The following ANKRD13D variants were observed in gnomAD, a reference collection of about 807,000 sequenced individuals.
ANKRD13D encodes ankyrin repeat domain-containing protein 13D.
A neutral mutation model predicts 68.8 loss-of-function variants in ANKRD13D; 24 were observed. That is an observed-to-expected ratio of 0.35 (90% CI 0.25 to 0.49). The LOEUF (loss-of-function observed/expected upper bound fraction) is 0.49, where lower values mean the gene tolerates loss of function less well. Ranked by LOEUF, ANKRD13D falls within the 20% of genes least tolerant of loss-of-function variation. The pLI is 0.99. For synonymous variants in ANKRD13D, 331 were observed against 336.1 expected (o/e 0.98, Z 0.16); for missense variants, 735 against 832.1 (o/e 0.88, Z 1.44).
At chr11:67,298,885 G>A in intron 6 of ANKRD13D, 173 bp from the exon 7 acceptor site, 1 of 653,542 alleles carries the variant, frequency 1.5e-6, no homozygotes, top group Non-Finnish European at 2.8e-6. Flanking sequence ...CCATGCTCAA[G>A]TGTCCCCCCC....
intron 1 of ANKRD13D, chr11:67,289,773 C>T (rs1300455843): frequency 3.1e-5 from 44 of 1,420,502 alleles, no homozygotes; most frequent in Non-Finnish European, 3.9e-5. Context: ...CCCGAACTCG[C>T]TTCCGCATCC....
chr11:67,291,838 A>G (rs1354908114), intron 5 of ANKRD13D, 92 bp downstream of exon 5: 1 of 1,543,566 alleles, frequency 6.5e-7, no homozygotes, highest in African/African-American at 1.4e-5. Flanking sequence ...CACTTTCCAG[A>G]TGTGGAAGCT....
intron 6 of ANKRD13D, 175 bp from the exon 7 acceptor site, chr11:67,298,883 A>C (rs1364770256): frequency 3.1e-6 from 2 of 649,812 alleles, no homozygotes; most frequent in African/African-American, 3.6e-5. Context: ...GTCCATGCTC[A>C]AGTGTCCCCC....
rs1392482851 is a variant in ANKRD13D, at chr11:67,299,126, C to T, written c.798+2C>T. 1 of 1,489,406 alleles carries T rather than the reference C, an allele frequency of 6.7e-7. No individual in the cohort carries two copies. The highest frequency in any genetic ancestry group is 9.3e-7 in the Non-Finnish European group (1 of 1,071,476). 92.3% of individuals were successfully genotyped at this position (1,489,406 alleles called of 1,614,324 possible). ...ACTGTTAGCGGCTACGAGGCCAAGG[C>T]AGGAGAGGCTAGGGGTGGGGGGCTG... On this transcript the variant is annotated splice_donor_variant, in intron 7 of 14. Transcript: ENST00000511455. LOFTEE classifies it low-confidence loss of function (GC_TO_GT_DONOR). This position sits in a 1 kb window ranked among gnomAD's most constrained non-coding sequence, Gnocchi z 6.2.
chr11:67,292,249 A>T, intron 6 of ANKRD13D, 69 bp downstream of exon 6: 2 of 1,471,916 alleles, frequency 1.4e-6, no homozygotes, highest in Non-Finnish European at 1.8e-6. Context: ...TAATGAGGGC[A>T]GGGCGATCCT....
In ANKRD13D at chr11:67,299,498, GC is replaced by G; in HGVS notation, c.799-27del. ...GCTGAGTGTGGGGAGCAGGCTCTGA[GC>G]CCCCAGCTCCCCGTGTCCCCTGCTC... On this transcript the variant is annotated intron_variant, in intron 7 of 14. Transcript: ENST00000511455. The surrounding 1 kb of genome is among the most constrained non-coding windows in gnomAD (Gnocchi z 6.2). 1 of 1,526,724 alleles carries G rather than the reference GC, an allele frequency of 6.5e-7. No homozygotes were observed. The highest frequency in any genetic ancestry group is 8.9e-7 in the Non-Finnish European group (1 of 1,126,040). The allele number at this position is 1,526,724 out of a possible 1,614,324, so 94.6% of individuals were successfully genotyped here.
At chr11:67,291,775 C>T in intron 5 of ANKRD13D, 29 bp downstream of exon 5, 1 of 1,610,226 alleles carries the variant, frequency 6.2e-7, no homozygotes, top group Non-Finnish European at 8.5e-7. Flanking sequence ...CATTGCAGCT[C>T]CTCGGCCCTT....
chr11:67,297,188 A>G (rs566980176), intron 6 of ANKRD13D, among the ~76,000 whole-genome samples: 1 of 152,212 alleles, frequency 6.6e-6, no homozygotes, highest in South Asian at 2.1e-4. Flanking sequence ...GCATTCACAC[A>G]TATTACATTT....
At chr11:67,289,620 A>AC in intron 1 of ANKRD13D, 70 bp downstream of exon 1, 1 of 659,702 alleles carries the variant, frequency 1.5e-6, no homozygotes. Flanking sequence ...TCCGTCCTGG[A>AC]GCCCCCCCCC....
rs1025520008 is a variant in ANKRD13D, at chr11:67,299,512, G to A, written c.799-18G>A. The A allele has an allele frequency of 5.9e-5, 92 of 1,548,252 alleles. No individual in the cohort carries two copies. Among genetic ancestry groups the A allele is most frequent in the Non-Finnish European group, 5.2e-5 (59 of 1,145,210 alleles). ...GCAGGCTCTGAGCCCCCAGCTCCCCGTGTCCCCTGCTCCCCAGGTGTACAG... is the reference window on the plus strand; with the variant it reads ...GCAGGCTCTGAGCCCCCAGCTCCCCATGTCCCCTGCTCCCCAGGTGTACAG... On this transcript the variant is annotated intron_variant, in intron 7 of 14. Transcript: ENST00000511455. The surrounding 1 kb of genome is among the most constrained non-coding windows in gnomAD (Gnocchi z 6.2).
In ANKRD13D at chr11:67,300,718, C is replaced by T; in HGVS notation, c.1074-272C>T. On this transcript the variant is annotated intron_variant, in intron 10 of 14. Coordinates refer to ENST00000511455, the MANE Select transcript of ANKRD13D (RefSeq NM_207354.3). This position sits in a 1 kb window ranked among gnomAD's most constrained non-coding sequence, Gnocchi z 4.3. Reference sequence around the variant, plus strand: ...CTGTGGGCCAGGCCCAGAGAGAAGCCCACAGCCTGGCACCTGGCCTCCTTG... The same window carrying T: ...CTGTGGGCCAGGCCCAGAGAGAAGCTCACAGCCTGGCACCTGGCCTCCTTG... 1.9e-6 allele frequency: 1 copy of T among 538,384 alleles called. No homozygotes were observed. The highest frequency in any genetic ancestry group is 3.3e-6 in the Non-Finnish European group (1 of 306,060). The allele number at this position is 538,384 out of a possible 1,614,324, so 33.4% of individuals were successfully genotyped here.
chr11:67,301,658 C>T lies in ANKRD13D; in HGVS notation c.1512+7C>T. ...GGGCACTGAGGCGGAGCAGGTGGGA[C>T]TTGCCCAGGGGGTGGGCTCTGGCCT... On this transcript the variant is annotated splice_region_variant and intron_variant, in intron 13 of 14. Transcript: ENST00000511455. This position sits in a 1 kb window ranked among gnomAD's most constrained non-coding sequence, Gnocchi z 4.5. 6.2e-7 allele frequency: 1 copy of T among 1,611,620 alleles called. No individual in the cohort carries two copies. Among genetic ancestry groups the T allele is most frequent in the Non-Finnish European group, 8.5e-7 (1 of 1,179,584 alleles).
At chr11:67,297,960 GTTT>G (rs200066974) in intron 6 of ANKRD13D, 3 of 147,342 alleles carry the variant, frequency 2.0e-5, no homozygotes, top group African/African-American at 5.1e-5. Flanking sequence ...AATTTCCAAA[GTTT>G]TTTTTTTCTG....
Position 67,302,225 on chromosome 11 carries a change from C to A in ANKRD13D, c.1711C>A (p.Leu571Met). Reference protein sequence around the residue: ...GPPSFEEQLRLALELSSREQE... With the variant: ...GPPSFEEQLRMALELSSREQE... ...ACCCAGCTTTGAAGAGCAGCTGCGC[C>A]TGGCCCTGGAGTTGTCTTCACGGGA... Residue 571 changes from leucine to methionine, a missense_variant, in exon 15 of 15, where the codon CTG (leucine) becomes ATG (methionine). Coordinates refer to ENST00000511455, the MANE Select transcript of ANKRD13D (RefSeq NM_207354.3). The A allele has an allele frequency of 6.3e-7, 1 of 1,580,476 alleles. No individual in the cohort carries two copies. Among genetic ancestry groups the A allele is most frequent in the Non-Finnish European group, 8.6e-7 (1 of 1,163,248 alleles).
intron 3 of ANKRD13D, 125 bp downstream of exon 3, chr11:67,290,571 G>A (rs1353318248): frequency 3.5e-6 from 5 of 1,414,022 alleles, no homozygotes; most frequent in African/African-American, 1.4e-5. Context: ...CAGCAAGGAG[G>A]TCTGTCTATC....
At chr11:67,289,886 C>T (rs998302402) in intron 1 of ANKRD13D, 192 bp from the exon 2 acceptor site, 1 of 1,434,158 alleles carries the variant, frequency 7.0e-7, no homozygotes, top group Non-Finnish European at 9.1e-7. Context: ...GCCGCCAGAC[C>T]CCGGCTCTGC....
intron 5 of ANKRD13D, 48 bp from the exon 6 acceptor site, chr11:67,291,943 G>T: frequency 6.5e-7 from 1 of 1,537,482 alleles, no homozygotes; most frequent in Non-Finnish European, 8.8e-7. Flanking sequence ...CACTGCTGGC[G>T]CCCAGCACTG....
At position 67,291,856 on chromosome 11, in the gene ANKRD13D, G is replaced by A. The variant is rs970678075; in HGVS notation, c.541+110G>A. 4.6e-6 allele frequency: 7 copies of A among 1,520,584 alleles called. No homozygotes were observed. The Admixed American group carries it at 6.0e-5, about 13-fold the overall frequency. 94.2% of individuals were successfully genotyped at this position (1,520,584 alleles called of 1,614,324 possible). ...TTTCCAGATGTGGAAGCTGAGGTTG[G>A]GGATGGAGGGGCATCCAGGGGCCAA... On this transcript the variant is annotated intron_variant, in intron 5 of 14. Coordinates refer to ENST00000511455, the MANE Select transcript of ANKRD13D (RefSeq NM_207354.3).
chr11:67,291,597 C>T lies in ANKRD13D; in HGVS notation c.398-6C>T. 1.2e-6 allele frequency: 2 copies of T among 1,613,964 alleles called. No individual in the cohort carries two copies. Among genetic ancestry groups the T allele is most frequent in the South Asian group, 1.1e-5 (1 of 91,088 alleles). ...AGACCCCCAGTGACCCCTGTGCACC[C>T]TGCAGTGCCCCTTGTGTCTAAGATG... On this transcript the variant is annotated splice_region_variant and splice_polypyrimidine_tract_variant and intron_variant, in intron 4 of 14. Transcript: ENST00000511455.
Sources: allele counts gnomAD v4.1 joint callset (sites outside exome capture counted in the v4.1 genomes callset), GRCh38; gene constraint gnomAD v4.1.1; non-coding constraint Gnocchi (gnomAD v3.1); transcripts MANE v1.5; gene names NCBI Gene and HGNC (gene_info 2026-07-23, HGNC 2026-07-21).